The following NR1H4 variants were observed in gnomAD, a reference collection of about 807,000 sequenced individuals.
NR1H4 encodes the protein bile acid receptor.
A neutral mutation model predicts 58.5 loss-of-function variants in NR1H4; 23 were observed. That is an observed-to-expected ratio of 0.39 (90% CI 0.28 to 0.56). The LOEUF (loss-of-function observed/expected upper bound fraction) is 0.56, where lower values mean the gene tolerates loss of function less well. Ranked by LOEUF, NR1H4 falls within the 20% of genes least tolerant of loss-of-function variation. The probability of loss-of-function intolerance (pLI) is 0.58; values close to 1 mark genes in which losing one functional copy is unlikely to be tolerated. For missense variants in NR1H4, 487 were observed against 576.9 expected (o/e 0.84, Z 1.60); for synonymous variants, 214 against 198.0 (o/e 1.08, Z -0.68).
chr12:100,556,976 A>G (rs546196228), intron 9 of NR1H4, among the ~76,000 whole-genome samples: 8 of 152,360 alleles, frequency 5.3e-5, no homozygotes, highest in African/African-American at 1.9e-4. Context: ...AGCTGTGTCC[A>G]TGCATGTTAG....
intron 3 of NR1H4, among the ~76,000 whole-genome samples, chr12:100,497,615 A>G (rs960887130): frequency 4.6e-5 from 7 of 152,202 alleles, no homozygotes; most frequent in African/African-American, 1.7e-4. Flanking sequence ...GTGGAAGGAC[A>G]CAGTTACCAC....
intron 9 of NR1H4, 62 bp from the exon 10 acceptor site, chr12:100,561,823 T>C (rs1332174479): frequency 1.3e-6 from 1 of 776,890 alleles, no homozygotes; most frequent in Non-Finnish European, 2.4e-6. Flanking sequence ...TATAATGTGT[T>C]TCTAGTTTTA....
intron 4 of NR1H4, among the ~76,000 whole-genome samples, chr12:100,527,091 T>C (rs528934943): frequency 4.6e-5 from 7 of 152,374 alleles, no homozygotes; most frequent in African/African-American, 1.7e-4. Context: ...CAATCATTTA[T>C]GAACTCAAAC....
intron 3 of NR1H4, among the ~76,000 whole-genome samples, chr12:100,498,154 G>C (rs745994899): frequency 2.2e-4 from 33 of 152,244 alleles, no homozygotes; most frequent in Non-Finnish European, 2.4e-4. Flanking sequence ...GGAATGGGCT[G>C]TGTGGGAAAG....
chr12:100,560,590 A>T (rs887571090), intron 9 of NR1H4, among the ~76,000 whole-genome samples: 5 of 152,216 alleles, frequency 3.3e-5, no homozygotes, highest in Admixed American at 3.3e-4. Context: ...ACATCTGAAC[A>T]TCAGAAGGGA....
At chr12:100,494,327 G>A (rs916519251) in intron 3 of NR1H4, among the ~76,000 whole-genome samples, 3 of 152,126 alleles carry the variant, frequency 2.0e-5, no homozygotes, top group Non-Finnish European at 4.4e-5. Context: ...TCCAAAAAGG[G>A]GTCATTATTT....
At chr12:100,512,932 A>G (rs1031167438) in intron 4 of NR1H4, among the ~76,000 whole-genome samples, 1 of 152,212 alleles carries the variant, frequency 6.6e-6, no homozygotes, top group Admixed American at 6.5e-5. Flanking sequence ...TGAAAGTTCA[A>G]ATGATCAGAT....
At chr12:100,521,846 A>G (rs565862952) in intron 4 of NR1H4, among the ~76,000 whole-genome samples, 1 of 152,342 alleles carries the variant, frequency 6.6e-6, no homozygotes, top group South Asian at 2.1e-4. Flanking sequence ...TATACAATTT[A>G]ATAATGATCC....
chr12:100,519,950 C>G (rs1954371040), intron 4 of NR1H4, among the ~76,000 whole-genome samples: 1 of 152,152 alleles, frequency 6.6e-6, no homozygotes, highest in African/African-American at 2.4e-5. Context: ...CTTTATCTTC[C>G]TTATGTGTTC....
chr12:100,529,778 A>G (rs1954647763), intron 4 of NR1H4, among the ~76,000 whole-genome samples: 2 of 152,152 alleles, frequency 1.3e-5, no homozygotes, highest in Admixed American at 6.5e-5. Context: ...CTCCCAGTCT[A>G]TACAATGCCT....
At chr12:100,524,276 G>C (rs1472812203) in intron 4 of NR1H4, among the ~76,000 whole-genome samples, 2 of 152,172 alleles carry the variant, frequency 1.3e-5, no homozygotes, top group African/African-American at 4.8e-5. Flanking sequence ...GAGGTGAAAG[G>C]TTTAACCCCA....
chr12:100,527,275 C>A (rs1954582410), intron 4 of NR1H4, among the ~76,000 whole-genome samples: 1 of 152,214 alleles, frequency 6.6e-6, no homozygotes, highest in Admixed American at 6.5e-5. Flanking sequence ...TGCCTGTAAT[C>A]CCAACAGTTT....
chr12:100,479,684 A>G (rs1000935794), intron 1 of NR1H4, among the ~76,000 whole-genome samples: 6 of 152,240 alleles, frequency 3.9e-5, no homozygotes, highest in Non-Finnish European at 7.3e-5. Context: ...ACTTCCATTT[A>G]GAAGAAAATC....
At chr12:100,510,721 C>T in intron 3 of NR1H4, 57 bp from the exon 4 acceptor site, 2 of 1,606,134 alleles carry the variant, frequency 1.2e-6, no homozygotes, top group African/African-American at 1.3e-5. Flanking sequence ...GCCAAACTGC[C>T]TCTCTAATTT....
At chr12:100,547,781 C>T (rs1368432127) in intron 9 of NR1H4, among the ~76,000 whole-genome samples, 2 of 151,660 alleles carry the variant, frequency 1.3e-5, no homozygotes, top group Non-Finnish European at 2.9e-5. Flanking sequence ...GTGCAGTGAC[C>T]GTGATCTCGG....
At chr12:100,496,354 G>A (rs567619373) in intron 3 of NR1H4, among the ~76,000 whole-genome samples, 2 of 152,160 alleles carry the variant, frequency 1.3e-5, no homozygotes, top group Admixed American at 1.3e-4. Context: ...AAGTGGTATA[G>A]TCAGGAAAGG....
At chr12:100,520,909 A>G (rs1232124513) in intron 4 of NR1H4, among the ~76,000 whole-genome samples, 1 of 152,222 alleles carries the variant, frequency 6.6e-6, no homozygotes, top group Non-Finnish European at 1.5e-5. Context: ...ATATAAAGCT[A>G]GCGAATTCTT....
chr12:100,501,804 A>G (rs890818974), intron 3 of NR1H4, among the ~76,000 whole-genome samples: 11 of 152,144 alleles, frequency 7.2e-5, no homozygotes, highest in African/African-American at 1.9e-4. Flanking sequence ...TCTATGTTTT[A>G]CCATCTATTG....
intron 10 of NR1H4, among the ~76,000 whole-genome samples, 161 bp from the exon 11 acceptor site, chr12:100,563,090 C>T (rs1416127851): frequency 2.0e-5 from 3 of 152,142 alleles, no homozygotes; most frequent in Admixed American, 6.5e-5. Context: ...GTTATAATTA[C>T]GTGTGTGTGC....
Sources: allele counts gnomAD v4.1 joint callset (sites outside exome capture counted in the v4.1 genomes callset), GRCh38; gene constraint gnomAD v4.1.1; transcripts MANE v1.5; gene names NCBI Gene and HGNC (gene_info 2026-07-23, HGNC 2026-07-21).